SGCZ: variants seen among roughly 807,000 people sequenced by gnomAD.
SGCZ encodes the protein sarcoglycan zeta, also known as zeta-sarcoglycan.
SGCZ carries 40 observed loss-of-function variants against 41.3 expected under a neutral mutation model. That is an observed-to-expected ratio of 0.97 (90% CI 0.75 to 1.26). The LOEUF is 1.26. SGCZ is among the 50% of genes most tolerant of loss of function. SGCZ has a pLI of 0.00. For missense variants in SGCZ, 552 were observed against 369.8 expected (o/e 1.49, Z -4.04); for synonymous variants, 206 against 137.5 (o/e 1.50, Z -3.49).
chr8:14,470,273 C>T (rs927708857), intron 2 of SGCZ, among the ~76,000 whole-genome samples: 1 of 152,074 alleles, frequency 6.6e-6, no homozygotes, highest in African/African-American at 2.4e-5. Context: ...GTTTTTTCTG[C>T]ACACAATGAG....
At chr8:14,742,668 T>A (rs1045696817) in intron 1 of SGCZ, among the ~76,000 whole-genome samples, 1 of 152,062 alleles carries the variant, frequency 6.6e-6, no homozygotes, top group South Asian at 2.1e-4. Flanking sequence ...TTATAGTACA[T>A]AAATTTCCAG....
At chr8:14,824,987 C>T in intron 1 of SGCZ, among the ~76,000 whole-genome samples, 1 of 152,020 alleles carries the variant, frequency 6.6e-6, no homozygotes, top group East Asian at 1.9e-4. Flanking sequence ...AACACATATC[C>T]CTAAATTAGC....
At chr8:14,311,910 T>C (rs1475783254) in intron 3 of SGCZ, among the ~76,000 whole-genome samples, 1 of 152,170 alleles carries the variant, frequency 6.6e-6, no homozygotes, top group Admixed American at 6.6e-5. Flanking sequence ...TGCTGCTCTA[T>C]AGAATATACA....
chr8:15,072,110 G>T (rs959673758), intron 1 of SGCZ, among the ~76,000 whole-genome samples: 5 of 152,024 alleles, frequency 3.3e-5, no homozygotes, highest in Admixed American at 3.3e-4. Context: ...TGAACTGGCT[G>T]CAGGTGAAGT....
chr8:14,392,582 C>T (rs1585444061), intron 2 of SGCZ, among the ~76,000 whole-genome samples: 1 of 152,110 alleles, frequency 6.6e-6, no homozygotes, highest in South Asian at 2.1e-4. Flanking sequence ...TTAGAACAGT[C>T]CTGCTTTGCA....
intron 4 of SGCZ, among the ~76,000 whole-genome samples, chr8:14,212,218 C>G (rs1262665408): frequency 1.3e-5 from 2 of 152,018 alleles, no homozygotes; most frequent in Non-Finnish European, 2.9e-5. Context: ...ACACTGGCTC[C>G]TCCCTTTGCT....
At chr8:14,100,594 AT>A (rs1801988845) in intron 7 of SGCZ, among the ~76,000 whole-genome samples, 1 of 143,790 alleles carries the variant, frequency 7.0e-6, no homozygotes, top group Non-Finnish European at 1.5e-5. Context: ...AATATATTAT[AT>A]TTTATTAATT....
intron 1 of SGCZ, among the ~76,000 whole-genome samples, chr8:15,100,551 A>G (rs566538622): frequency 6.6e-6 from 1 of 152,250 alleles, no homozygotes; most frequent in Non-Finnish European, 1.5e-5. Context: ...ATTCAACACA[A>G]TCTCCATGAA....
chr8:14,714,215 T>A (rs2036818), intron 1 of SGCZ, among the ~76,000 whole-genome samples: 2 of 152,030 alleles, frequency 1.3e-5, no homozygotes, highest in African/African-American at 4.8e-5. Context: ...GATCTGCCCG[T>A]CTCGGCCTCC....
intron 3 of SGCZ, among the ~76,000 whole-genome samples, chr8:14,288,951 T>A (rs1229583267): frequency 1.3e-5 from 2 of 152,180 alleles, no homozygotes; most frequent in African/African-American, 4.8e-5. Context: ...TTATTTTATG[T>A]CTTTTGTGTT....
chr8:15,183,187 T>G (rs1452559321), intron 1 of SGCZ, among the ~76,000 whole-genome samples: 6 of 152,000 alleles, frequency 3.9e-5, no homozygotes, highest in Non-Finnish European at 7.3e-5. Context: ...AAGATTACAC[T>G]CTAAAGTATG....
intron 1 of SGCZ, among the ~76,000 whole-genome samples, chr8:15,024,469 G>C (rs1000875600): frequency 6.6e-6 from 1 of 152,050 alleles, no homozygotes; most frequent in South Asian, 2.1e-4. Flanking sequence ...AAATCCACTG[G>C]TTCTGTAGAG....
At chr8:15,081,964 G>C (rs1805766881) in intron 1 of SGCZ, among the ~76,000 whole-genome samples, 2 of 152,156 alleles carry the variant, frequency 1.3e-5, no homozygotes, top group South Asian at 4.1e-4. Flanking sequence ...CAGTTCTTTA[G>C]ATTTGTTGCT....
chr8:15,063,470 T>C (rs549186587), intron 1 of SGCZ, among the ~76,000 whole-genome samples: 1 of 152,288 alleles, frequency 6.6e-6, no homozygotes, highest in Non-Finnish European at 1.5e-5. Context: ...GAAACTCGAC[T>C]AACAAATCAT....
At chr8:14,675,095 C>T (rs371523911) in intron 1 of SGCZ, among the ~76,000 whole-genome samples, 156 of 151,500 alleles carry the variant, frequency 1.0e-3, no homozygotes, top group African/African-American at 2.8e-3. Flanking sequence ...CCCGCCACCA[C>T]GCCTGGCTAA....
chr8:15,178,665 T>C (rs1800070454), intron 1 of SGCZ, among the ~76,000 whole-genome samples: 1 of 152,184 alleles, frequency 6.6e-6, no homozygotes, highest in African/African-American at 2.4e-5. Context: ...TTCCCCATCT[T>C]CCTTTTAACA....
chr8:14,482,655 A>G (rs568494546), intron 2 of SGCZ, among the ~76,000 whole-genome samples: 4 of 152,080 alleles, frequency 2.6e-5, no homozygotes, highest in Non-Finnish European at 5.9e-5. Context: ...TTTCTGGAAG[A>G]TATTAGCATC....
At chr8:14,443,583 G>T (rs913847422) in intron 2 of SGCZ, among the ~76,000 whole-genome samples, 10 of 152,164 alleles carry the variant, frequency 6.6e-5, no homozygotes, top group Admixed American at 6.5e-4. Flanking sequence ...TTTAAGAAAT[G>T]GTGCTGGGAA....
At chr8:14,314,641 G>A (rs1277352600) in intron 3 of SGCZ, among the ~76,000 whole-genome samples, 1 of 152,064 alleles carries the variant, frequency 6.6e-6, no homozygotes, top group East Asian at 1.9e-4. Flanking sequence ...CAATCAGTAG[G>A]TAAGTGAATG....
Sources: allele counts gnomAD v4.1 joint callset (sites outside exome capture counted in the v4.1 genomes callset), GRCh38; gene constraint gnomAD v4.1.1; transcripts MANE v1.5; gene names NCBI Gene and HGNC (gene_info 2026-07-23, HGNC 2026-07-21).